Variants in TMEM260 observed in about 807,000 individuals in gnomAD.
TMEM260 encodes the protein protein O-mannosyl-transferase TMEM260.
A neutral mutation model predicts 88.9 loss-of-function variants in TMEM260; 82 were observed. The ratio of observed to expected loss-of-function variants is 0.92; its 90% CI spans 0.77 to 1.11. The LOEUF (loss-of-function observed/expected upper bound fraction) is 1.11, where lower values mean the gene tolerates loss of function less well. Ranked by LOEUF, TMEM260 falls within the 50% of genes least tolerant of loss-of-function variation. The pLI is 0.00. For synonymous variants in TMEM260, 314 were observed against 309.3 expected, an observed-to-expected ratio of 1.02 and a Z score of -0.16; for missense variants, 902 against 853.4, an observed-to-expected ratio of 1.06 and a Z score of -0.71.
chr14:56,643,440 C>T (rs1369702261), intron 15 of TMEM260, among the ~76,000 whole-genome samples: 1 of 152,048 alleles, frequency 6.6e-6, no homozygotes, highest in Non-Finnish European at 1.5e-5. Context: ...GCAGAAAAGG[C>T]CTTTGACAAA....
chr14:56,618,823 G>C (rs1887741913), intron 10 of TMEM260, 60 bp downstream of exon 10: 18 of 1,485,970 alleles, frequency 1.2e-5, no homozygotes, highest in Non-Finnish European at 1.7e-5. Context: ...TGAATATTTA[G>C]ATTCTAACAC....
In TMEM260 at chr14:56,603,903, GT is replaced by G. The variant is rs1188808301; in HGVS notation, c.438del (p.Phe146LeufsTer3). The G allele has an allele frequency of 5.6e-6, 9 of 1,613,666 alleles. No homozygotes were observed. Among genetic ancestry groups the G allele is most frequent in the Non-Finnish European group, 7.6e-6 (9 of 1,179,828 alleles). ...ATGGCAGTGGTCCATTGCAGCAGAG[GT>G]TTTTAGCTTAAACAATCTCTTTGTG... ...LTWQWSIAAE[V>X]FSLNNLFVGL... On this transcript the variant is annotated frameshift_variant, in exon 4 of 16. Transcript: ENST00000261556. LOFTEE classifies it high-confidence loss of function.
chr14:56,613,066 A>G (rs1594847980), intron 7 of TMEM260: 2 of 152,088 alleles, frequency 1.3e-5, no homozygotes, highest in Admixed American at 6.6e-5. Context: ...ATTTTCATGT[A>G]TATTATTTAA....
chr14:56,633,133 T>TA lies in TMEM260; in HGVS notation c.1687dup (p.Thr563AsnfsTer6). Reference sequence around the variant, plus strand: ...TCAACCCTGAGGAATGGATTAAACTTACAAAAAGTATCTATAACTGGACCG... The same window carrying TA: ...TCAACCCTGAGGAATGGATTAAACTTAACAAAAAGTATCTATAACTGGACCG... On this transcript the variant is annotated frameshift_variant, in exon 13 of 16. Transcript: ENST00000261556. LOFTEE classifies it high-confidence loss of function. The TA allele has an allele frequency of 6.2e-7, 1 of 1,613,444 alleles. No homozygotes were observed.
chr14:56,637,934 G>A (rs1431496475), intron 15 of TMEM260, among the ~76,000 whole-genome samples: 3 of 152,170 alleles, frequency 2.0e-5, no homozygotes, highest in African/African-American at 7.2e-5. Context: ...TGTGAGTGCT[G>A]TGAGAGGCAC....
chr14:56,659,871 C>T, the TMEM260 span, among the ~76,000 whole-genome samples: 1 of 152,126 alleles, frequency 6.6e-6, no homozygotes, highest in Non-Finnish European at 1.5e-5. Context: ...TTTTACTCAG[C>T]ATGAAATTAT....
chr14:56,583,990 T>TTGTGTGTGTG lies in TMEM260; in HGVS notation c.161-983_161-974dup, dbSNP rs10594077. On this transcript the variant is annotated intron_variant, in intron 1 of 15. Coordinates refer to ENST00000261556, the MANE Select transcript of TMEM260 (RefSeq NM_017799.4). ...TAGACTAGGGATGCAATCCAGCCTTTTGTGTGTGTGTGTGTGTGTGTGTGT... is the reference window on the plus strand; with the variant it reads ...TAGACTAGGGATGCAATCCAGCCTTTTGTGTGTGTGTGTGTGTGTGTGTGTGTGTGTGTGT... Among the ~76,000 whole-genome samples, 74 of 145,944 alleles carry TTGTGTGTGTG rather than the reference T, an allele frequency of 5.1e-4. No individual in the cohort carries two copies. In the East Asian group the frequency reaches 9.9e-3, roughly 20 times the overall value.
At chr14:56,632,957 A>G in intron 12 of TMEM260, 38 bp from the exon 13 acceptor site, 1 of 1,558,574 alleles carries the variant, frequency 6.4e-7, no homozygotes, top group Non-Finnish European at 8.8e-7. Flanking sequence ...TAAAACTTTA[A>G]ATTTTAAGTA....
rs143322863 is a variant in TMEM260, at chr14:56,609,212, C to A, written c.743C>A (p.Thr248Asn). Residue 248 changes from threonine to asparagine, a missense_variant, in exon 6 of 16, where the codon ACC becomes AAC. Transcript: ENST00000261556. ...ISSYLNHARW[T>N]WGDQTTLQGF... ...TCTTACCTTAATCACGCCCGGTGGA[C>A]CTGGGGAGACCAGACAACACTGCAA... 1 of 1,614,086 alleles carries A rather than the reference C, an allele frequency of 6.2e-7. No homozygotes were observed. The highest frequency in any genetic ancestry group is 1.7e-5 in the Admixed American group (1 of 60,012).
downstream of TMEM260, among the ~76,000 whole-genome samples, chr14:56,654,428 C>T (rs371353749): frequency 6.6e-5 from 10 of 152,168 alleles, 1 homozygote; most frequent in Admixed American, 2.0e-4. Context: ...GAAATATGTC[C>T]CAGCTCCACT....
intron 15 of TMEM260, 23 bp from the exon 16 acceptor site, chr14:56,647,220 C>T: frequency 6.4e-7 from 1 of 1,561,870 alleles, no homozygotes; most frequent in Non-Finnish European, 8.7e-7. Flanking sequence ...CAATGGAATA[C>T]CAACATTTCT....
chr14:56,602,578 A>AG (rs1200043806), intron 3 of TMEM260, among the ~76,000 whole-genome samples: 1 of 152,180 alleles, frequency 6.6e-6, no homozygotes, highest in Non-Finnish European at 1.5e-5. Context: ...AAGACAAATT[A>AG]GGGAACTCTT....
intron 8 of TMEM260, chr14:56,616,300 C>T (rs1887591274): frequency 3.8e-5 from 10 of 265,816 alleles, no homozygotes; most frequent in Non-Finnish European, 7.1e-6. Context: ...CTGCTATAAC[C>T]GATTATTATT....
chr14:56,614,249 A>G (rs926296039), intron 7 of TMEM260, among the ~76,000 whole-genome samples: 2 of 144,802 alleles, frequency 1.4e-5, no homozygotes, highest in African/African-American at 2.6e-5. Flanking sequence ...GCATGGTGGC[A>G]TGCACCTGTA....
chr14:56,658,248 TTTTG>T, the TMEM260 span, among the ~76,000 whole-genome samples: 1,615 of 152,254 alleles, frequency 0.011, 35 homozygotes, highest in African/African-American at 0.036. Flanking sequence ...AATTTAATTT[TTTTG>T]TTTGTTTGTT....
chr14:56,585,917 A>G lies in TMEM260; in HGVS notation c.344+5A>G, dbSNP rs769294895. The G allele has an allele frequency of 1.2e-6, 2 of 1,611,394 alleles. No individual in the cohort carries two copies. The highest frequency in any genetic ancestry group is 1.7e-6 in the Non-Finnish European group (2 of 1,179,034). ...ACTTTTTTTCACCGTTTTCAGGTAA[A>G]GTAGTTGATTAGTTAAAATTAATTT... On this transcript the variant is annotated splice_donor_5th_base_variant and intron_variant, in intron 3 of 15. Transcript: ENST00000261556.
chr14:56,662,903 G>A, the TMEM260 span, among the ~76,000 whole-genome samples: 15 of 152,300 alleles, frequency 9.8e-5, no homozygotes, highest in African/African-American at 2.6e-4. Flanking sequence ...CAACGCGGGC[G>A]GATCAGCTGA....
Position 56,621,538 on chromosome 14 carries a change from G to T in TMEM260, c.1234G>T (p.Asp412Tyr). Reference sequence around the variant, plus strand: ...TTGGATCCTTTTATTTAGTGTTTGTGACCAAAGGACCAACTATGTGATTGA... The same window carrying T: ...TTGGATCCTTTTATTTAGTGTTTGTTACCAAAGGACCAACTATGTGATTGA... ...YQIYSNYSVC[D>Y]QRTNYVIDKF... Residue 412 changes from aspartate to tyrosine, a missense_variant, in exon 11 of 16, where the codon GAC becomes TAC. Transcript: ENST00000261556. 6.3e-7 allele frequency: 1 copy of T among 1,599,882 alleles called. No individual in the cohort carries two copies. Among genetic ancestry groups the T allele is most frequent in the South Asian group, 1.1e-5 (1 of 87,250 alleles).
intron 10 of TMEM260, among the ~76,000 whole-genome samples, chr14:56,621,024 A>G (rs1887882526): frequency 6.6e-6 from 1 of 152,152 alleles, no homozygotes; most frequent in Admixed American, 6.5e-5. Flanking sequence ...CCAAAGGCAG[A>G]GAGGGACACA....
Sources: gnomAD v4.1 joint callset for allele counts (sites outside exome capture counted in the v4.1 genomes callset) on GRCh38, gnomAD v4.1.1 for gene constraint, MANE v1.5 for transcripts, NCBI Gene and HGNC (gene_info 2026-07-23, HGNC 2026-07-21) for gene names.